The following PLCB4 variants were observed in gnomAD, a reference collection of about 807,000 sequenced individuals.
PLCB4 encodes the protein 1-phosphatidylinositol 4,5-bisphosphate phosphodiesterase beta-4.
A neutral mutation model predicts 178.8 loss-of-function variants in PLCB4; 77 were observed. The ratio of observed to expected loss-of-function variants is 0.43; its 90% CI spans 0.36 to 0.52. The LOEUF (loss-of-function observed/expected upper bound fraction) is 0.52, where lower values mean the gene tolerates loss of function less well. PLCB4 is among the 20% of genes least tolerant of loss of function. The probability of loss-of-function intolerance (pLI) is 0.00; values close to 1 mark genes in which losing one functional copy is unlikely to be tolerated. For synonymous variants in PLCB4, 496 were observed against 490.8 expected (o/e 1.01, Z -0.14); for missense variants, 1,024 against 1,453.4 (o/e 0.70, Z 4.80).
intron 2 of PLCB4, among the ~76,000 whole-genome samples, chr20:9,186,756 T>C (rs2093334758): frequency 6.6e-6 from 1 of 152,110 alleles, no homozygotes; most frequent in Non-Finnish European, 1.5e-5. Context: ...TAGCTAGTTA[T>C]CTTGTGCTTC....
At chr20:9,475,122 G>T (rs2044460364) in intron 38 of PLCB4, among the ~76,000 whole-genome samples, 1 of 152,224 alleles carries the variant, frequency 6.6e-6, no homozygotes. Context: ...CTCCCTAGAG[G>T]AAGGGCACAG....
rs1264253454 is a variant in PLCB4, at chr20:9,393,881, G to A, written c.1414+203G>A. Among the ~76,000 whole-genome samples the A allele has an allele frequency of 2.0e-5, 3 of 152,170 alleles. No individual in the cohort carries two copies. The South Asian group carries it at 6.2e-4, about 32-fold the overall frequency. Reference sequence around the variant, plus strand: ...TCAATTAATTCATGCAGTAGGAAAAGCATATCTATATATTCAAATGCCAGA... The same window carrying A: ...TCAATTAATTCATGCAGTAGGAAAAACATATCTATATATTCAAATGCCAGA... On this transcript the variant is annotated intron_variant, in intron 18 of 39. Transcript: ENST00000378473.
chr20:9,404,796 G>A (rs1000670284), intron 20 of PLCB4, among the ~76,000 whole-genome samples: 4 of 152,082 alleles, frequency 2.6e-5, no homozygotes, highest in African/African-American at 7.2e-5. Context: ...GGCCTTCTTC[G>A]TGTTTATGTC....
At chr20:9,362,697 CT>C (rs1472879785) in intron 7 of PLCB4, among the ~76,000 whole-genome samples, 198 bp from the exon 8 acceptor site, 142 of 152,270 alleles carry the variant, frequency 9.3e-4, no homozygotes, top group Non-Finnish European at 1.9e-4. Flanking sequence ...GCACATTTGT[CT>C]TCATGGAAAG....
At chr20:9,119,056 A>G (rs936557129) in intron 2 of PLCB4, among the ~76,000 whole-genome samples, 2 of 152,218 alleles carry the variant, frequency 1.3e-5, no homozygotes, top group Admixed American at 1.3e-4. Flanking sequence ...GGCATCATGA[A>G]TTAATTTTTC....
At chr20:9,401,365 G>A (rs1198106261) in intron 19 of PLCB4, 125 bp from the exon 20 acceptor site, 1 of 654,520 alleles carries the variant, frequency 1.5e-6, no homozygotes, top group Admixed American at 2.4e-5. Flanking sequence ...ATATATCAAT[G>A]TCCCCATTTT....
At chr20:9,131,664 A>G (rs2092276120) in intron 2 of PLCB4, among the ~76,000 whole-genome samples, 1 of 152,200 alleles carries the variant, frequency 6.6e-6, no homozygotes, top group South Asian at 2.1e-4. Context: ...AATCTGGTTT[A>G]CAAGGAAATC....
chr20:9,231,163 C>G (rs1207566146), intron 3 of PLCB4, among the ~76,000 whole-genome samples: 1 of 152,150 alleles, frequency 6.6e-6, no homozygotes, highest in Non-Finnish European at 1.5e-5. Flanking sequence ...TCATCCAGAA[C>G]ACTGGGAGAG....
intron 9 of PLCB4, among the ~76,000 whole-genome samples, chr20:9,366,966 G>C (rs1038236681): frequency 6.6e-5 from 10 of 152,222 alleles, no homozygotes; most frequent in Admixed American, 6.5e-5. Flanking sequence ...CACCGAGTGC[G>C]TAGCATCTGT....
intron 2 of PLCB4, among the ~76,000 whole-genome samples, chr20:9,113,855 T>C (rs2091680270): frequency 6.6e-6 from 1 of 152,106 alleles, no homozygotes; most frequent in African/African-American, 2.4e-5. Context: ...TACCTAGTGT[T>C]GTGTTGCATG....
chr20:9,438,264 G>T (rs2041898779), intron 30 of PLCB4, among the ~76,000 whole-genome samples: 1 of 152,118 alleles, frequency 6.6e-6, no homozygotes, highest in Non-Finnish European at 1.5e-5. Context: ...TGCTCAGGAG[G>T]CTGAGGCAGG....
At chr20:9,467,460 G>A (rs1397865912) in intron 35 of PLCB4, among the ~76,000 whole-genome samples, 2 of 152,094 alleles carry the variant, frequency 1.3e-5, no homozygotes, top group African/African-American at 4.8e-5. Context: ...ATAAATCCAT[G>A]GCAGAAGCAC....
intron 36 of PLCB4, among the ~76,000 whole-genome samples, chr20:9,471,448 G>A (rs913230880): frequency 6.6e-6 from 1 of 151,908 alleles, no homozygotes; most frequent in Non-Finnish European, 1.5e-5. Flanking sequence ...AATGAAAAGG[G>A]GAATTAACTA....
At chr20:9,405,729 G>A (rs912549603) in intron 21 of PLCB4, among the ~76,000 whole-genome samples, 1 of 152,186 alleles carries the variant, frequency 6.6e-6, no homozygotes, top group South Asian at 2.1e-4. Flanking sequence ...ATTATTTGAT[G>A]TTATTAGCTA....
rs188960823 is a variant in PLCB4 at position 9,291,024 on chromosome 20, A to G, written c.-15-16776A>G. Among the ~76,000 whole-genome samples, 4 of 152,292 alleles carry G rather than the reference A, an allele frequency of 2.6e-5. No homozygotes were observed. The East Asian group carries it at 7.7e-4, about 29-fold the overall frequency. On this transcript the variant is annotated intron_variant, in intron 3 of 39. Coordinates refer to ENST00000378473, the MANE Select transcript of PLCB4 (RefSeq NM_001377142.1). ...GCTGGGGCTGGAATGTAGGTCTTCC[A>G]TCTCCGATTGCCCTTCTCTTTCCAT...
chr20:9,404,459 G>A (rs1419278959), intron 20 of PLCB4, among the ~76,000 whole-genome samples: 1 of 152,006 alleles, frequency 6.6e-6, no homozygotes, highest in Admixed American at 6.6e-5. Context: ...ACAAAAATTA[G>A]CCAGGCGCCA....
At chr20:9,212,493 G>C (rs1472991592) in intron 2 of PLCB4, among the ~76,000 whole-genome samples, 1 of 152,048 alleles carries the variant, frequency 6.6e-6, no homozygotes, top group Non-Finnish European at 1.5e-5. Flanking sequence ...ATATTTGTAG[G>C]TTTCTTCCTC....
intron 3 of PLCB4, among the ~76,000 whole-genome samples, chr20:9,275,362 C>T (rs1235969971): frequency 6.6e-6 from 1 of 152,048 alleles, no homozygotes; most frequent in Non-Finnish European, 1.5e-5. Flanking sequence ...CCTCCCACAA[C>T]ATGTGGGAAT....
At chr20:9,181,288 C>T (rs2093241886) in intron 2 of PLCB4, among the ~76,000 whole-genome samples, 1 of 152,274 alleles carries the variant, frequency 6.6e-6, no homozygotes, top group Admixed American at 6.5e-5. Flanking sequence ...TCAGATGAGG[C>T]TCAGGGTACC....
Sources: allele counts gnomAD v4.1 joint callset (sites outside exome capture counted in the v4.1 genomes callset), GRCh38; gene constraint gnomAD v4.1.1; transcripts MANE v1.5; gene names NCBI Gene and HGNC (gene_info 2026-07-23, HGNC 2026-07-21).